The following PZP variants were observed in gnomAD, a reference collection of about 807,000 sequenced individuals.
PZP encodes PZP alpha-2-macroglobulin like, also known as pregnancy zone protein.
Under a neutral mutation model 179.8 loss-of-function variants are expected in PZP, and 150 were observed. The ratio of observed to expected loss-of-function variants is 0.83; its 90% CI spans 0.73 to 0.96. The LOEUF is 0.96. Ranked by LOEUF, PZP falls within the 40% of genes least tolerant of loss-of-function variation. The pLI is 0.00. For synonymous variants in PZP, 624 were observed against 652.3 expected (o/e 0.96, Z 0.66); for missense variants, 1,689 against 1,764.0 (o/e 0.96, Z 0.76).
At chr12:9,140,273 C>G in the PZP span, among the ~76,000 whole-genome samples, 5,861 of 152,078 alleles carry the variant, frequency 0.039, 392 homozygotes, top group African/African-American at 0.13. Flanking sequence ...TAGGGGGGGG[C>G]CCAGGAATGG....
At chr12:9,166,301 C>T in intron 17 of PZP, 99 bp from the exon 18 acceptor site, 1 of 1,140,192 alleles carries the variant, frequency 8.8e-7, no homozygotes, top group East Asian at 2.5e-5. Flanking sequence ...TTTTCCTGCT[C>T]AGACTGTCCT....
the PZP span, among the ~76,000 whole-genome samples, chr12:9,139,161 C>T: frequency 6.6e-6 from 1 of 151,698 alleles, no homozygotes; most frequent in Non-Finnish European, 1.5e-5. Flanking sequence ...CTTTAAATTC[C>T]TTCTTGATTC....
At chr12:9,150,319 G>A (rs111345982) in intron 34 of PZP, among the ~76,000 whole-genome samples, 25 of 152,120 alleles carry the variant, frequency 1.6e-4, no homozygotes, top group African/African-American at 3.9e-4. Context: ...GTCTCGCACC[G>A]TCACCTGGGC....
Position 9,203,785 on chromosome 12 carries a change from G to A in PZP, c.250C>T (p.His84Tyr), listed in dbSNP as rs1362024924. Reference protein sequence around the residue: ...TDLVAEKDLFHCVSFTLPRIS... With the variant: ...TDLVAEKDLFYCVSFTLPRIS... ...GCACTCACAGTGAAGGAGACACAGTGGAATAAGTCCTTCTCCGCCACCAGG... is the reference window on the plus strand; with the variant it reads ...GCACTCACAGTGAAGGAGACACAGTAGAATAAGTCCTTCTCCGCCACCAGG... The change falls in exon 2 of 36, where the codon CAC becomes TAC. Residue 84 changes from histidine to tyrosine, a missense_variant. Coordinates refer to ENST00000261336, the MANE Select transcript of PZP (RefSeq NM_002864.3). The A allele has an allele frequency of 6.2e-7, 1 of 1,614,100 alleles. No individual in the cohort carries two copies. The highest frequency in any genetic ancestry group is 1.3e-5 in the African/African-American group (1 of 75,012).
rs780631587 is a variant in PZP at position 9,157,311 on chromosome 12, C to T, written c.3414G>A (p.Trp1138Ter). 6.2e-7 allele frequency: 1 copy of T among 1,614,038 alleles called. No individual in the cohort carries two copies. The part of the protein sequence containing the change: ...RNALFCLESA[W>*]NVAKEGTHGS... Reference sequence around the variant, plus strand: ...CATGGGTCCCCTCCTTTGCTACATTCCAGGCTGACTCCAGGCAGAACAGGG... The same window carrying T: ...CATGGGTCCCCTCCTTTGCTACATTTCAGGCTGACTCCAGGCAGAACAGGG... Residue 1138 changes from tryptophan (W) to a stop codon, truncating the protein, a stop_gained, in exon 28 of 36, where the codon TGG (tryptophan) becomes TGA (stop). Transcript: ENST00000261336. LOFTEE classifies it high-confidence loss of function.
chr12:9,197,652 TA>T (rs1943884996), intron 7 of PZP, among the ~76,000 whole-genome samples: 1 of 107,672 alleles, frequency 9.3e-6, no homozygotes, highest in Non-Finnish European at 1.7e-5. Context: ...TTATATAATA[TA>T]ATATAAAATT....
In PZP at chr12:9,196,648, G is replaced by A; in HGVS notation, c.905C>T (p.Thr302Ile). ...CGTATTTGTAATCTGGAGCATTTTG[G>A]TGTGTACTTGTTGGGTGATGCAGCC... ...SNGCITQQVH[T>I]KMLQITNTGF... is the part of the protein sequence containing the mutation. Residue 302 changes from threonine to isoleucine, a missense_variant, in exon 9 of 36, where the codon ACC becomes ATC. By Grantham distance (89) the Thr-to-Ile change is moderately conservative. This residue lies in a region of PZP where 742 missense variants were observed against 730.5 expected (regional missense o/e 1.02). Transcript: ENST00000261336. The A allele has an allele frequency of 6.2e-7, 1 of 1,613,554 alleles. No homozygotes were observed. The highest frequency in any genetic ancestry group is 1.7e-4 in the Middle Eastern group (1 of 6,054).
chr12:9,151,665 C>CT lies in PZP; in HGVS notation c.4219dup (p.Arg1407LysfsTer3). ...TTCTGTCCGGCTCACAGAGCTAGATCTTTCAAGCTGGAGAGAATTAGAAAA... is the reference window on the plus strand; with the variant it reads ...TTCTGTCCGGCTCACAGAGCTAGATCTTTTCAAGCTGGAGAGAATTAGAAAA... On this transcript the variant is annotated frameshift_variant, in exon 33 of 36. Transcript: ENST00000261336. LOFTEE classifies it high-confidence loss of function. The CT allele has an allele frequency of 1.2e-6, 2 of 1,613,500 alleles. No individual in the cohort carries two copies. Among genetic ancestry groups the CT allele is most frequent in the Non-Finnish European group, 1.7e-6 (2 of 1,179,590 alleles).
intron 13 of PZP, among the ~76,000 whole-genome samples, chr12:9,184,894 C>T (rs911121887): frequency 6.6e-6 from 1 of 152,162 alleles, no homozygotes; most frequent in African/African-American, 2.4e-5. Context: ...ATCAAACCTC[C>T]AAGGTCATCG....
chr12:9,157,899 CTGT>C, intron 26 of PZP, 58 bp from the exon 27 acceptor site: 1 of 1,411,692 alleles, frequency 7.1e-7, no homozygotes. Flanking sequence ...ATATTCTCTT[CTGT>C]TGTTTGATGG....
At chr12:9,187,638 A>T (rs1377631510) in intron 13 of PZP, among the ~76,000 whole-genome samples, 2 of 152,232 alleles carry the variant, frequency 1.3e-5, no homozygotes, top group Admixed American at 1.3e-4. Context: ...ACCAGTAAGA[A>T]CAAAGATACA....
chr12:9,183,274 A>T (rs1162548558), intron 13 of PZP, among the ~76,000 whole-genome samples: 1 of 152,222 alleles, frequency 6.6e-6, no homozygotes, highest in Non-Finnish European at 1.5e-5. Context: ...AGTGCATTTT[A>T]GCTGTTCTTG....
intron 15 of PZP, chr12:9,169,991 TCAGA>T (rs1941873522): frequency 6.5e-6 from 1 of 154,152 alleles, no homozygotes; most frequent in Non-Finnish European, 1.4e-5. Flanking sequence ...AGGCTTATTC[TCAGA>T]CAGAAAATCG....
chr12:9,163,638 A>C, intron 21 of PZP, 30 bp downstream of exon 21: 8 of 1,609,222 alleles, frequency 5.0e-6, no homozygotes, highest in Non-Finnish European at 6.8e-6. Flanking sequence ...GCATTCTTAC[A>C]GTTGTTAGGG....
intron 13 of PZP, among the ~76,000 whole-genome samples, chr12:9,187,905 G>A (rs759396033): frequency 6.6e-6 from 1 of 152,330 alleles, no homozygotes; most frequent in African/African-American, 2.4e-5. Flanking sequence ...TGTGAGCTCC[G>A]TCCCAGGGAA....
downstream of PZP, among the ~76,000 whole-genome samples, chr12:9,148,641 C>G (rs1714476997): frequency 2.0e-5 from 3 of 152,090 alleles, no homozygotes; most frequent in Admixed American, 2.0e-4. Context: ...TATTATCTAT[C>G]ATCCCCTTAT....
At chr12:9,171,538 G>A (rs1308052830) in intron 15 of PZP, among the ~76,000 whole-genome samples, 2 of 152,298 alleles carry the variant, frequency 1.3e-5, no homozygotes, top group East Asian at 1.9e-4. Context: ...TCAGAAAGTG[G>A]ATAACAATAA....
At chr12:9,196,874 G>T in intron 8 of PZP, 138 bp downstream of exon 8, 1 of 789,714 alleles carries the variant, frequency 1.3e-6, no homozygotes, top group Non-Finnish European at 2.1e-6. Context: ...GAATCTTGTT[G>T]ACTAAGAACA....
Position 9,180,983 on chromosome 12 carries a change from T to G in PZP, c.1839A>C (p.Ser613=). 1 of 1,611,960 alleles carries G rather than the reference T, an allele frequency of 6.2e-7. No homozygotes were observed. The change falls in exon 15 of 36, where the codon TCA becomes TCC. Residue 613 remains serine, a splice_region_variant and synonymous_variant. Coordinates refer to ENST00000261336, the MANE Select transcript of PZP (RefSeq NM_002864.3). ...GTCCCCAAGGCCACTGGAAACTCACTGAGGACACAGAGAGCTCAGCCTCAG... is the reference window on the plus strand; with the variant it reads ...GTCCCCAAGGCCACTGGAAACTCACGGAGGACACAGAGAGCTCAGCCTCAG... ...MKPEAELSVS[S]VYNLLTVKDL...
Sources: allele counts gnomAD v4.1 joint callset (sites outside exome capture counted in the v4.1 genomes callset), GRCh38; gene constraint gnomAD v4.1.1; regional missense constraint gnomAD v4.1.1; transcripts MANE v1.5; gene names NCBI Gene and HGNC (gene_info 2026-07-23, HGNC 2026-07-21).